PPP6R3: variants seen among roughly 807,000 people sequenced by gnomAD.
PPP6R3 encodes the protein protein phosphatase 6 regulatory subunit 3, also known as serine/threonine-protein phosphatase 6 regulatory subunit 3.
In PPP6R3, 38 loss-of-function variants were observed where a neutral mutation model predicts 110.7. That is an observed-to-expected ratio of 0.34 (90% confidence interval 0.26 to 0.45). The LOEUF is 0.45. PPP6R3 is among the 20% of genes least tolerant of loss of function. The pLI, the probability that PPP6R3 is intolerant of heterozygous loss-of-function variation, is 1.00. For missense variants in PPP6R3, 870 were observed against 1,062.4 expected (o/e 0.82, Z 2.52); for synonymous variants, 369 against 373.5 (o/e 0.99, Z 0.14).
chr11:68,579,397 G>GAT lies in PPP6R3; in HGVS notation c.1545+3356_1545+3357dup, dbSNP rs1298932488. On this transcript the variant is annotated intron_variant, in intron 14 of 23. Transcript: ENST00000393800. The stretch of plus-strand genomic sequence containing the variant: ...AAACGAAAATTTTATTTCGAAAGAA[G>GAT]ATAATATCTCCGAAACTGTGTGCAC... Among the ~76,000 whole-genome samples the GAT allele has an allele frequency of 5.9e-5, 9 of 152,196 alleles. No individual in the cohort carries two copies. In the East Asian group the frequency reaches 7.7e-4, roughly 13 times the overall value.
chr11:68,577,165 C>G (rs1264881756), intron 14 of PPP6R3, among the ~76,000 whole-genome samples: 2 of 152,148 alleles, frequency 1.3e-5, no homozygotes, highest in Non-Finnish European at 1.5e-5. Flanking sequence ...TGTACCACAG[C>G]CCAGCAGAGA....
rs1198437605 is a variant in PPP6R3 at position 68,614,586 on chromosome 11, A to G, written c.*1469A>G. 20 of 1,505,812 alleles carry G rather than the reference A, an allele frequency of 1.3e-5. No homozygotes were observed. The highest frequency in any genetic ancestry group is 1.7e-5 in the Non-Finnish European group (19 of 1,136,304). 93.3% of individuals were successfully genotyped at this position (1,505,812 alleles called of 1,614,324 possible). A position where few individuals can be genotyped will look rare whatever the true frequency, so the allele number is the denominator to read the frequency against. Reference sequence around the variant, plus strand: ...CATTGCATATGGAAATAAAAGAATCAAACGTCTAATGCCTTATTATTTCTG... The same window carrying G: ...CATTGCATATGGAAATAAAAGAATCGAACGTCTAATGCCTTATTATTTCTG... On this transcript the variant is annotated 3_prime_UTR_variant, in exon 24 of 24. Transcript: ENST00000393800.
At chr11:68,559,601 A>G (rs1374923477) in intron 8 of PPP6R3, among the ~76,000 whole-genome samples, 1 of 152,172 alleles carries the variant, frequency 6.6e-6, no homozygotes, top group Non-Finnish European at 1.5e-5. Flanking sequence ...TGCTTCCCCA[A>G]TTCCTGATCT....
chr11:68,575,902 T>G, intron 13 of PPP6R3, 56 bp from the exon 14 acceptor site: 1 of 1,319,040 alleles, frequency 7.6e-7, no homozygotes, highest in South Asian at 1.3e-5. Flanking sequence ...TTACTTTATT[T>G]GTCTCCGTGG....
chr11:68,463,357 A>G (rs1031573955), intron 1 of PPP6R3, among the ~76,000 whole-genome samples: 56 of 141,162 alleles, frequency 4.0e-4, no homozygotes, highest in African/African-American at 1.5e-3. Context: ...CAGTCTCAGA[A>G]AAAAAAAAAA....
In PPP6R3 at chr11:68,583,126, G is replaced by A; in HGVS notation, c.1629G>A (p.Gln543=). The A allele has an allele frequency of 6.5e-7, 1 of 1,535,272 alleles. No homozygotes were observed. Among genetic ancestry groups the A allele is most frequent in the South Asian group, 1.2e-5 (1 of 82,134 alleles). Residue 543 remains glutamine, a synonymous_variant, in exon 15 of 24, where the codon CAG becomes CAA. Transcript: ENST00000393800. ...ETGFSQDSSL[Q]QAFSDYQMQQ... is the part of the protein sequence containing the mutation. The stretch of plus-strand genomic sequence containing the variant: ...GTTTCTCACAGGATTCTTCTTTGCA[G>A]CAAGTGAGTCACGCCTAAAGCTTTG...
At chr11:68,609,749 T>C (rs1942394310) in intron 22 of PPP6R3, 155 bp from the exon 23 acceptor site, 12 of 1,554,522 alleles carry the variant, frequency 7.7e-6, no homozygotes, top group Non-Finnish European at 8.9e-6. Flanking sequence ...CTGTCTGTGG[T>C]TGTGTGATCG....
At chr11:68,479,136 A>T (rs1451904495) in intron 1 of PPP6R3, among the ~76,000 whole-genome samples, 1 of 152,198 alleles carries the variant, frequency 6.6e-6, no homozygotes, top group Non-Finnish European at 1.5e-5. Context: ...TATTCTTACG[A>T]TTATTCACAT....
chr11:68,502,079 G>T (rs573668259), intron 1 of PPP6R3, among the ~76,000 whole-genome samples: 1 of 152,214 alleles, frequency 6.6e-6, no homozygotes, highest in African/African-American at 2.4e-5. Context: ...GGTTAAAGAT[G>T]ATGGACATGG....
In PPP6R3 at chr11:68,591,781, G is replaced by A. The variant is rs1368549714; in HGVS notation, c.1916+75G>A. On this transcript the variant is annotated intron_variant, in intron 18 of 23. Transcript: ENST00000393800. ...ATGATTATCATGAGACATACATTGT[G>A]TCATCACCAAACATACATGTTAACC... 5 of 1,456,020 alleles carry A rather than the reference G, an allele frequency of 3.4e-6. No homozygotes were observed. The African/African-American group carries it at 4.3e-5, about 13-fold the overall frequency. The allele number at this position is 1,456,020 out of a possible 1,614,324, so 90.2% of individuals were successfully genotyped here.
chr11:68,584,571 A>T (rs961552327), intron 15 of PPP6R3, among the ~76,000 whole-genome samples: 2 of 152,230 alleles, frequency 1.3e-5, no homozygotes, highest in African/African-American at 4.8e-5. Context: ...TCGGCTGTCA[A>T]TTTAGTCTAG....
intron 21 of PPP6R3, 86 bp from the exon 22 acceptor site, chr11:68,603,256 C>T (rs778451292): frequency 4.6e-6 from 7 of 1,514,286 alleles, no homozygotes; most frequent in Non-Finnish European, 5.3e-6. Flanking sequence ...GTAGATGTCA[C>T]GTTGGGTAGA....
At chr11:68,574,303 G>A (rs2099521865) in intron 13 of PPP6R3, 79 bp downstream of exon 13, 3 of 1,108,744 alleles carry the variant, frequency 2.7e-6, no homozygotes, top group African/African-American at 3.1e-5. Flanking sequence ...AATGCATGTA[G>A]CATTTTTAAT....
chr11:68,518,872 T>G (rs2099150007), intron 1 of PPP6R3, among the ~76,000 whole-genome samples: 1 of 152,200 alleles, frequency 6.6e-6, no homozygotes. Context: ...CCTGTCAGGC[T>G]TCACTACTTA....
Position 68,510,896 on chromosome 11 carries a change from A to G in PPP6R3, c.-157-8605A>G, listed in dbSNP as rs370817749. Among the ~76,000 whole-genome samples the G allele has an allele frequency of 3.6e-4, 55 of 152,144 alleles. 1 individual carries two copies. The highest frequency in any genetic ancestry group is 1.1e-3 in the African/African-American group (46 of 41,506). On this transcript the variant is annotated intron_variant, in intron 1 of 23. Transcript: ENST00000393800. The stretch of plus-strand genomic sequence containing the variant: ...ATTTTTTTAGTTCTAACCAGTGTCT[A>G]TTGATTTTCTGACATGGAAGATAAG...
intron 1 of PPP6R3, among the ~76,000 whole-genome samples, chr11:68,492,212 A>G (rs879871001): frequency 2.0e-5 from 3 of 152,150 alleles, no homozygotes; most frequent in Non-Finnish European, 2.9e-5. Context: ...GCTGGACTAC[A>G]GTGGCATGAT....
chr11:68,601,726 A>C, intron 20 of PPP6R3, 137 bp from the exon 21 acceptor site: 1 of 632,970 alleles, frequency 1.6e-6, no homozygotes, highest in South Asian at 2.0e-5. Flanking sequence ...GTGTCACTGG[A>C]GTTTGTAACC....
chr11:68,603,723 T>G (rs1273836196), intron 22 of PPP6R3, among the ~76,000 whole-genome samples: 48 of 152,224 alleles, frequency 3.2e-4, no homozygotes, highest in Admixed American at 3.1e-3. Flanking sequence ...ATTTTACATC[T>G]AGCAGTTTGA....
chr11:68,547,664 AG>A (rs1173778063), intron 4 of PPP6R3, among the ~76,000 whole-genome samples: 1 of 152,248 alleles, frequency 6.6e-6, no homozygotes, highest in Non-Finnish European at 1.5e-5. Context: ...GAGTCCAGTT[AG>A]GATTTTGAAT....
Sources: allele counts gnomAD v4.1 joint callset (sites outside exome capture counted in the v4.1 genomes callset), GRCh38; gene constraint gnomAD v4.1.1; transcripts MANE v1.5; gene names NCBI Gene and HGNC (gene_info 2026-07-23, HGNC 2026-07-21).